MIEN1: variants seen among roughly 807,000 people sequenced by gnomAD.
The protein encoded by MIEN1 is migration and invasion enhancer 1.
In MIEN1, 12 loss-of-function variants were observed where a neutral mutation model predicts 15.5. That is an observed-to-expected ratio of 0.78 (90% confidence interval 0.50 to 1.26). MIEN1 has a LOEUF of 1.26. Among genes scored for constraint, MIEN1 ranks in the 50% most tolerant of loss-of-function variants. The pLI is 0.00. For synonymous variants in MIEN1, 63 were observed against 62.8 expected (o/e 1.00, Z -0.02); for missense variants, 160 against 151.7 (o/e 1.05, Z -0.29).
chr17:39,730,337 G>T, intron 1 of MIEN1, 46 bp from the exon 2 acceptor site: 1 of 1,563,204 alleles, frequency 6.4e-7, no homozygotes. Flanking sequence ...CGGGGGTGGG[G>T]CCTCCCGTGG....
In MIEN1 at chr17:39,729,091, C is replaced by G. The variant is rs889717587; in HGVS notation, c.*431G>C. On this transcript the variant is annotated 3_prime_UTR_variant, in exon 4 of 4. Transcript: ENST00000394231. ...CCACCCTGGCGGTGCAAAGGCTGGGCTGACCGGACTTCTGTGCCCCCCACA... is the reference window on the plus strand; with the variant it reads ...CCACCCTGGCGGTGCAAAGGCTGGGGTGACCGGACTTCTGTGCCCCCCACA... 2 of 195,392 alleles carry G rather than the reference C, an allele frequency of 1.0e-5. No individual in the cohort carries two copies. The highest frequency in any genetic ancestry group is 4.7e-5 in the African/African-American group (2 of 42,498). The allele number at this position is 195,392 out of a possible 1,614,324, so 12.1% of individuals were successfully genotyped here.
intron 2 of MIEN1, 145 bp from the exon 3 acceptor site, chr17:39,729,906 G>C (rs1297090617): frequency 9.2e-7 from 1 of 1,087,976 alleles, no homozygotes; most frequent in African/African-American, 1.6e-5. Flanking sequence ...CCCAACCCTG[G>C]GTCAACTCCA....
rs571326045 is a variant in MIEN1, at chr17:39,730,473, G to A, written c.23C>T (p.Thr8Met). 5.2e-6 allele frequency: 8 copies of A among 1,539,874 alleles called. No homozygotes were observed. In the East Asian group the frequency reaches 1.7e-4, roughly 33 times the overall value. MSGEPGQTSVAPPPEEVE... is the reference protein window; with the variant it reads MSGEPGQMSVAPPPEEVE... Reference sequence around the variant, plus strand: ...CTCCTCGGGAGGGGGCGCTACGGACGTCTGCCCCGGCTCCCCGCTCATCGC... The same window carrying A: ...CTCCTCGGGAGGGGGCGCTACGGACATCTGCCCCGGCTCCCCGCTCATCGC... The change falls in exon 1 of 4, where the codon ACG becomes ATG. Residue 8 changes from threonine (T) to methionine (M), a missense_variant. By Grantham distance (81) the Thr-to-Met change is moderately conservative. Coordinates refer to ENST00000394231, the MANE Select transcript of MIEN1 (RefSeq NM_032339.5).
chr17:39,730,124 C>G, intron 2 of MIEN1, 70 bp downstream of exon 2: 1 of 1,437,268 alleles, frequency 7.0e-7, no homozygotes, highest in Non-Finnish European at 9.5e-7. Context: ...CAGCCAATGT[C>G]AGAACTAGAA....
intron 3 of MIEN1, 39 bp downstream of exon 3, chr17:39,729,646 G>C: frequency 6.2e-7 from 1 of 1,614,074 alleles, no homozygotes; most frequent in South Asian, 1.1e-5. Flanking sequence ...TGTTGGGGTA[G>C]GGTGACCAAG....
chr17:39,729,369 T>A lies in MIEN1; in HGVS notation c.*153A>T, dbSNP rs2059919331. 1.1e-6 allele frequency: 1 copy of A among 912,864 alleles called. No homozygotes were observed. Among genetic ancestry groups the A allele is most frequent in the Admixed American group, 2.3e-5 (1 of 42,778 alleles). 56.5% of individuals were successfully genotyped at this position (912,864 alleles called of 1,614,324 possible). On this transcript the variant is annotated 3_prime_UTR_variant, in exon 4 of 4. Coordinates refer to ENST00000394231, the MANE Select transcript of MIEN1 (RefSeq NM_032339.5). ...GCCCCCAAGGCCACGGAATCTTCTA[T>A]TCCTTCTTTGTACCCAAAGGGCAAA... is the stretch of plus-strand genomic sequence containing the variant.
Position 39,728,936 on chromosome 17 carries a change from A to T in MIEN1, c.*586T>A. 5.9e-6 allele frequency: 1 copy of T among 170,398 alleles called. No individual in the cohort carries two copies. Among genetic ancestry groups the T allele is most frequent in the Non-Finnish European group, 1.3e-5 (1 of 78,328 alleles). The allele number at this position is 170,398 out of a possible 1,614,324, so 10.6% of individuals were successfully genotyped here. ...TTATTTCCTCCTTGTGAGTGAGGAGAGTGGTGGGTAGGGTGGGGGAAAGAC... is the reference window on the plus strand; with the variant it reads ...TTATTTCCTCCTTGTGAGTGAGGAGTGTGGTGGGTAGGGTGGGGGAAAGAC... On this transcript the variant is annotated 3_prime_UTR_variant, in exon 4 of 4. Coordinates refer to ENST00000394231, the MANE Select transcript of MIEN1 (RefSeq NM_032339.5).
In MIEN1 at chr17:39,729,615, T is replaced by C. The variant is rs1005313969; in HGVS notation, c.265-10A>G. 2 of 1,613,448 alleles carry C rather than the reference T, an allele frequency of 1.2e-6. No individual in the cohort carries two copies. Among genetic ancestry groups the C allele is most frequent in the Non-Finnish European group, 1.7e-6 (2 of 1,179,888 alleles). The stretch of plus-strand genomic sequence containing the variant: ...GGATGGCCTCAATGAGCTAGAGGAG[T>C]GGAATGACAGGATGATGCACTGTTG... On this transcript the variant is annotated splice_polypyrimidine_tract_variant and intron_variant, in intron 3 of 3. Coordinates refer to ENST00000394231, the MANE Select transcript of MIEN1 (RefSeq NM_032339.5).
At chr17:39,729,861 C>T (rs771996878) in intron 2 of MIEN1, 100 bp from the exon 3 acceptor site, 165 of 1,452,598 alleles carry the variant, frequency 1.1e-4, no homozygotes, top group Non-Finnish European at 1.4e-4. Flanking sequence ...CCATCAATCC[C>T]ACTGGAGACC....
At position 39,728,635 on chromosome 17, in the gene MIEN1, T is replaced by C. The variant is rs4252661; in HGVS notation, c.*887A>G. 5,653 of 233,176 alleles carry C rather than the reference T, an allele frequency of 0.024. 180 individuals carry two copies. Among genetic ancestry groups the C allele is most frequent in the African/African-American group, 0.084 (3,809 of 45,410 alleles). 14.4% of individuals were successfully genotyped at this position (233,176 alleles called of 1,614,324 possible). A position where few individuals can be genotyped will look rare whatever the true frequency, so the allele number is the denominator to read the frequency against. On this transcript the variant is annotated 3_prime_UTR_variant, in exon 4 of 4. Coordinates refer to ENST00000394231, the MANE Select transcript of MIEN1 (RefSeq NM_032339.5). The stretch of plus-strand genomic sequence containing the variant: ...TCCTTCTCCACACCCACTTTGTCCA[T>C]TTGCAAATATATTTTGGAAAACAGC...
Position 39,729,475 on chromosome 17 carries a change from C to T in MIEN1, c.*47G>A. On this transcript the variant is annotated 3_prime_UTR_variant, in exon 4 of 4. Transcript: ENST00000394231. ...GCTCCCAGCAGGACCAAAGGGAGAC[C>T]AAGGTTTGGACCCCAGAACAGAGCA... The T allele has an allele frequency of 2.5e-6, 4 of 1,611,524 alleles. No homozygotes were observed. The highest frequency in any genetic ancestry group is 1.1e-5 in the South Asian group (1 of 90,932).
At position 39,730,408 on chromosome 17, in the gene MIEN1, A is replaced by T. The variant is rs1372450107; in HGVS notation, c.88T>A (p.Cys30Ser). ...GSGVRIVVEYCEPCGFEATYL... is the reference protein window; with the variant it reads ...GSGVRIVVEYSEPCGFEATYL... ...GGTCCTCCAGCCGGGGCCGCTCACC[A>T]GTACTCCACCACGATGCGGACCCCA... Residue 30 changes from cysteine (C) to serine (S), a missense_variant and splice_region_variant, in exon 1 of 4, where the codon TGT becomes AGT. Physicochemically the swap from Cys to Ser is moderately radical, Grantham distance 112. Coordinates refer to ENST00000394231, the MANE Select transcript of MIEN1 (RefSeq NM_032339.5). 6.4e-7 allele frequency: 1 copy of T among 1,554,196 alleles called. No individual in the cohort carries two copies. The highest frequency in any genetic ancestry group is 8.7e-7 in the Non-Finnish European group (1 of 1,150,070).
Position 39,729,285 on chromosome 17 carries a change from A to G in MIEN1, c.*237T>C, listed in dbSNP as rs1780541637. ...GTGGACTGGGCTTTCGTGGGCACTT[A>G]CCCTGGGAAGGGGGTATGAGGTGGC... is the stretch of plus-strand genomic sequence containing the variant. On this transcript the variant is annotated 3_prime_UTR_variant, in exon 4 of 4. Transcript: ENST00000394231. 2 of 573,506 alleles carry G rather than the reference A, an allele frequency of 3.5e-6. No individual in the cohort carries two copies. The highest frequency in any genetic ancestry group is 3.1e-6 in the Non-Finnish European group (1 of 322,850). 35.5% of individuals were successfully genotyped at this position (573,506 alleles called of 1,614,324 possible).
intron 1 of MIEN1, 30 bp from the exon 2 acceptor site, chr17:39,730,321 G>T (rs1212563509): frequency 6.3e-7 from 1 of 1,579,254 alleles, no homozygotes; most frequent in East Asian, 2.3e-5. Context: ...GGCTGGGCTG[G>T]GGATTCGGGG....
chr17:39,729,442 CA>C lies in MIEN1; in HGVS notation c.*79del, dbSNP rs1479604199. On this transcript the variant is annotated 3_prime_UTR_variant, in exon 4 of 4. Transcript: ENST00000394231. ...TAAGGAGCTAAGTAGGGGAAAGAGG[CA>C]GGGGGAGCTCCCAGCAGGACCAAAG... is the stretch of plus-strand genomic sequence containing the variant. The C allele has an allele frequency of 6.3e-7, 1 of 1,575,872 alleles. No homozygotes were observed. The highest frequency in any genetic ancestry group is 1.4e-5 in the African/African-American group (1 of 73,882).
At position 39,729,622 on chromosome 17, in the gene MIEN1, A is replaced by G. The variant is rs756458947; in HGVS notation, c.265-17T>C. On this transcript the variant is annotated splice_polypyrimidine_tract_variant and intron_variant, in intron 3 of 3. Coordinates refer to ENST00000394231, the MANE Select transcript of MIEN1 (RefSeq NM_032339.5). ...CTCAATGAGCTAGAGGAGTGGAATG[A>G]CAGGATGATGCACTGTTGGGGTAGG... The G allele has an allele frequency of 3.1e-6, 5 of 1,614,006 alleles. No individual in the cohort carries two copies. In the African/African-American group the frequency reaches 6.7e-5, roughly 22 times the overall value.
rs1030353447 is a variant in MIEN1 at position 39,728,528 on chromosome 17, C to T, written c.*994G>A. On this transcript the variant is annotated 3_prime_UTR_variant, in exon 4 of 4. Coordinates refer to ENST00000394231, the MANE Select transcript of MIEN1 (RefSeq NM_032339.5). The stretch of plus-strand genomic sequence containing the variant: ...AGAGTGCTTTTCTGTTTAGTTTTTA[C>T]TTTTTTTGTTTTGTTTTTTTAAAGA... 4 of 236,142 alleles carry T rather than the reference C, an allele frequency of 1.7e-5. No homozygotes were observed. Among genetic ancestry groups the T allele is most frequent in the Non-Finnish European group, 2.5e-5 (3 of 120,278 alleles). 14.6% of individuals were successfully genotyped at this position (236,142 alleles called of 1,614,324 possible).
In MIEN1 at chr17:39,728,575, G is replaced by C. The variant is rs1597894266; in HGVS notation, c.*947C>G. On this transcript the variant is annotated 3_prime_UTR_variant, in exon 4 of 4. Transcript: ENST00000394231. ...AAGATGAAATAAAGACCCAGGGGGA[G>C]AATGGGTGTTGTATGGGGAGGCAAG... The C allele has an allele frequency of 4.3e-6, 1 of 233,700 alleles. No homozygotes were observed. The allele number at this position is 233,700 out of a possible 1,614,324, so 14.5% of individuals were successfully genotyped here. A position where few individuals can be genotyped will look rare whatever the true frequency, so the allele number is the denominator to read the frequency against.
rs1033809080 is a variant in MIEN1, at chr17:39,728,516, G to C, written c.*1006C>G. 13 of 238,106 alleles carry C rather than the reference G, an allele frequency of 5.5e-5. No homozygotes were observed. Among genetic ancestry groups the C allele is most frequent in the Non-Finnish European group, 9.9e-5 (12 of 121,706 alleles). The allele number at this position is 238,106 out of a possible 1,614,324, so 14.7% of individuals were successfully genotyped here. On this transcript the variant is annotated 3_prime_UTR_variant, in exon 4 of 4. Coordinates refer to ENST00000394231, the MANE Select transcript of MIEN1 (RefSeq NM_032339.5). The stretch of plus-strand genomic sequence containing the variant: ...CAGGCTTTGTACAGAGTGCTTTTCT[G>C]TTTAGTTTTTACTTTTTTTGTTTTG...
Sources: gnomAD v4.1 joint callset for allele counts on GRCh38, gnomAD v4.1.1 for gene constraint, MANE v1.5 for transcripts, NCBI Gene and HGNC (gene_info 2026-07-23, HGNC 2026-07-21) for gene names.